The following ANKRD55 variants were observed in gnomAD, a reference collection of about 807,000 sequenced individuals.
ANKRD55 encodes ankyrin repeat domain-containing protein 55.
ANKRD55 carries 41 observed loss-of-function variants against 60.6 expected under a neutral mutation model. That is an observed-to-expected ratio of 0.68 (90% CI 0.53 to 0.88). The LOEUF (loss-of-function observed/expected upper bound fraction) is 0.88. Ranked by LOEUF, ANKRD55 falls within the 40% of genes least tolerant of loss-of-function variation. The pLI is 0.00. For missense variants in ANKRD55, 732 were observed against 767.6 expected (o/e 0.95, Z 0.55); for synonymous variants, 264 against 290.3 (o/e 0.91, Z 0.92).
chr5:56,223,399 A>G (rs1219394914), intron 2 of ANKRD55, among the ~76,000 whole-genome samples: 2 of 152,234 alleles, frequency 1.3e-5, no homozygotes, highest in East Asian at 3.8e-4. Context: ...CTGCAAAAAC[A>G]TGACAAATTG....
chr5:56,166,086 T>TTTCTCTTTCTTTC (rs1554040776), intron 5 of ANKRD55, among the ~76,000 whole-genome samples: 2 of 91,772 alleles, frequency 2.2e-5, no homozygotes, highest in East Asian at 3.4e-4. Context: ...TTTCTTTTCT[T>TTTCTCTTTCTTTC]TTTCTTTCTT....
intron 4 of ANKRD55, among the ~76,000 whole-genome samples, chr5:56,174,823 T>G (rs1417374321): frequency 7.6e-6 from 1 of 132,018 alleles, no homozygotes; most frequent in Non-Finnish European, 1.5e-5. Flanking sequence ...AGAGTGAGAC[T>G]CTGTCTCAAA....
chr5:56,214,548 G>T (rs940764418), intron 2 of ANKRD55, among the ~76,000 whole-genome samples: 1 of 152,124 alleles, frequency 6.6e-6, no homozygotes, highest in African/African-American at 2.4e-5. Flanking sequence ...GAAAGCAAGG[G>T]ATAAATATAT....
chr5:56,133,056 C>T (rs1462064536), intron 7 of ANKRD55, among the ~76,000 whole-genome samples: 2 of 152,098 alleles, frequency 1.3e-5, no homozygotes, highest in African/African-American at 2.4e-5. Context: ...CAGATGAGTC[C>T]GCTTTATAGT....
At chr5:56,202,671 AT>A (rs1759407059) in intron 2 of ANKRD55, among the ~76,000 whole-genome samples, 1 of 152,226 alleles carries the variant, frequency 6.6e-6, no homozygotes, top group Admixed American at 6.5e-5. Flanking sequence ...AAGAGATTTC[AT>A]TCTGTGGGGA....
chr5:56,118,288 A>C (rs1361853788), intron 8 of ANKRD55, among the ~76,000 whole-genome samples: 1 of 152,228 alleles, frequency 6.6e-6, no homozygotes, highest in Non-Finnish European at 1.5e-5. Flanking sequence ...TGCAAATCAC[A>C]TAGTCAACAA....
At chr5:56,138,284 T>C (rs189264402) in intron 7 of ANKRD55, among the ~76,000 whole-genome samples, 1 of 152,108 alleles carries the variant, frequency 6.6e-6, no homozygotes, top group East Asian at 1.9e-4. Flanking sequence ...CCCACTACCA[T>C]GCCCAGCTAA....
At chr5:56,224,013 C>T (rs943853784) in intron 2 of ANKRD55, among the ~76,000 whole-genome samples, 2 of 152,184 alleles carry the variant, frequency 1.3e-5, no homozygotes, top group East Asian at 1.9e-4. Context: ...GAACTCTCCA[C>T]CCCAAATCAA....
At chr5:56,141,457 T>C (rs1213609093) in intron 7 of ANKRD55, among the ~76,000 whole-genome samples, 1 of 152,104 alleles carries the variant, frequency 6.6e-6, no homozygotes, top group Admixed American at 6.5e-5. Flanking sequence ...TGAATGAAAA[T>C]CTAAGAGGTG....
intron 7 of ANKRD55, among the ~76,000 whole-genome samples, chr5:56,132,283 A>C (rs1160138034): frequency 6.6e-6 from 1 of 152,076 alleles, no homozygotes. Context: ...ATAATACAAA[A>C]TGCTAATTAA....
At chr5:56,100,616 T>C (rs1310926258) in intron 11 of ANKRD55, among the ~76,000 whole-genome samples, 1 of 152,154 alleles carries the variant, frequency 6.6e-6, no homozygotes, top group East Asian at 1.9e-4. Context: ...CAAAAACTGC[T>C]CACAAGGTTC....
At chr5:56,183,759 C>T in intron 2 of ANKRD55, 125 bp from the exon 3 acceptor site, 1 of 1,230,804 alleles carries the variant, frequency 8.1e-7, no homozygotes, top group Non-Finnish European at 1.1e-6. Flanking sequence ...AGGCAGAAGT[C>T]TGGGTCATCC....
chr5:56,187,510 T>A (rs1759000290), intron 2 of ANKRD55, among the ~76,000 whole-genome samples: 1 of 152,248 alleles, frequency 6.6e-6, no homozygotes. Flanking sequence ...TGGTCCGTGT[T>A]TGTTACGGCT....
At chr5:56,113,942 G>A (rs377034057) in intron 9 of ANKRD55, among the ~76,000 whole-genome samples, 19 of 149,748 alleles carry the variant, frequency 1.3e-4, no homozygotes, top group African/African-American at 4.2e-4. Context: ...GAGTCACTGC[G>A]CTCGACCCAT....
chr5:56,172,192 T>G (rs571044240), intron 4 of ANKRD55, among the ~76,000 whole-genome samples: 1 of 151,930 alleles, frequency 6.6e-6, no homozygotes, highest in African/African-American at 2.4e-5. Flanking sequence ...GAAAAGAACC[T>G]TTTGGTTTTG....
At chr5:56,130,642 G>A (rs904545374) in intron 7 of ANKRD55, among the ~76,000 whole-genome samples, 8 of 152,166 alleles carry the variant, frequency 5.3e-5, no homozygotes, top group African/African-American at 1.9e-4. Context: ...TACAGAGCAA[G>A]CATCAGTTCC....
chr5:56,137,660 G>A, intron 7 of ANKRD55: 2 of 483,776 alleles, frequency 4.1e-6, no homozygotes, highest in South Asian at 2.5e-5. Context: ...AATAATCCAT[G>A]GAAGAAAAAA....
chr5:56,102,098 A>G (rs986591824), intron 11 of ANKRD55, among the ~76,000 whole-genome samples: 1 of 152,144 alleles, frequency 6.6e-6, no homozygotes, highest in Non-Finnish European at 1.5e-5. Context: ...TTGAAAAATG[A>G]AAGTAGGGCT....
At chr5:56,151,702 A>G (rs1209101058) in intron 6 of ANKRD55, among the ~76,000 whole-genome samples, 1 of 151,912 alleles carries the variant, frequency 6.6e-6, no homozygotes, top group Non-Finnish European at 1.5e-5. Flanking sequence ...AATCCCAGCT[A>G]CTTAAGAGGC....
Sources: gnomAD v4.1 joint callset for allele counts (sites outside exome capture counted in the v4.1 genomes callset) on GRCh38, gnomAD v4.1.1 for gene constraint, MANE v1.5 for transcripts, NCBI Gene and HGNC (gene_info 2026-07-23, HGNC 2026-07-21) for gene names.